MARCHF1: variants seen among roughly 807,000 people sequenced by gnomAD.
MARCHF1 encodes membrane associated ring-CH-type finger 1, also known as E3 ubiquitin-protein ligase MARCHF1.
Under a neutral mutation model 54.2 loss-of-function variants are expected in MARCHF1, and 40 were observed. That is an observed-to-expected ratio of 0.74 (90% CI 0.57 to 0.96). The LOEUF (loss-of-function observed/expected upper bound fraction) is 0.96, where lower values mean the gene tolerates loss of function less well. Among genes scored for constraint, MARCHF1 ranks in the 40% least tolerant of loss-of-function variants. The pLI is 0.00. For missense variants in MARCHF1, 586 were observed against 656.5 expected, an observed-to-expected ratio of 0.89 and a Z score of 1.17; for synonymous variants, 236 against 236.3, an observed-to-expected ratio of 1.00 and a Z score of 0.01.
intron 1 of MARCHF1, among the ~76,000 whole-genome samples, chr4:164,182,509 C>CTCCTTCCTTCCTTCCTTCCA (rs1730857735): frequency 6.6e-6 from 1 of 151,672 alleles, no homozygotes; most frequent in African/African-American, 2.4e-5. Flanking sequence ...TATCATCTCT[C>CTCCTTCCTTCCTTCCTTCCA]TCCTTCCTTC....
At chr4:163,562,372 G>A (rs1298828695) in intron 8 of MARCHF1, among the ~76,000 whole-genome samples, 1 of 152,072 alleles carries the variant, frequency 6.6e-6, no homozygotes, top group Non-Finnish European at 1.5e-5. Flanking sequence ...AATTACCAAT[G>A]ACATCCTAAA....
At chr4:163,779,179 T>C (rs544628802) in intron 4 of MARCHF1, among the ~76,000 whole-genome samples, 2 of 152,166 alleles carry the variant, frequency 1.3e-5, no homozygotes, top group Non-Finnish European at 1.5e-5. Context: ...CTAACATGAG[T>C]AAATAAAATC....
intron 1 of MARCHF1, among the ~76,000 whole-genome samples, chr4:164,297,332 T>C (rs1276812630): frequency 6.6e-6 from 1 of 152,148 alleles, no homozygotes; most frequent in African/African-American, 2.4e-5. Context: ...AAGAGTACAC[T>C]GTCTAAGTGA....
intron 2 of MARCHF1, among the ~76,000 whole-genome samples, chr4:164,095,392 T>A (rs1348125858): frequency 6.7e-6 from 1 of 149,952 alleles, no homozygotes; most frequent in Non-Finnish European, 1.5e-5. Flanking sequence ...GTAAATGTGT[T>A]TGCTATATTA....
At chr4:163,895,676 G>T (rs937866060) in intron 3 of MARCHF1, among the ~76,000 whole-genome samples, 4 of 152,162 alleles carry the variant, frequency 2.6e-5, no homozygotes, top group African/African-American at 9.7e-5. Context: ...CTGTGAAAGA[G>T]GATGTTCTGT....
rs1345684491 is a variant in MARCHF1 at position 163,878,977 on chromosome 4, C to T, written c.-38-24808G>A. Among the ~76,000 whole-genome samples the T allele has an allele frequency of 2.6e-5, 4 of 152,182 alleles. No individual in the cohort carries two copies. In the East Asian group the frequency reaches 7.7e-4, roughly 29 times the overall value. The stretch of plus-strand genomic sequence containing the variant: ...TACAGAGACATCTAAAATATCTGTC[C>T]TCTGAGAAATTACAACTAGCAAAGG... On this transcript the variant is annotated intron_variant, in intron 3 of 9. Coordinates refer to ENST00000514618, the MANE Select transcript of MARCHF1 (RefSeq NM_001394959.1).
At chr4:163,607,384 T>C (rs1741179995) in intron 7 of MARCHF1, among the ~76,000 whole-genome samples, 1 of 152,052 alleles carries the variant, frequency 6.6e-6, no homozygotes, top group Non-Finnish European at 1.5e-5. Flanking sequence ...TGTTGGAGAC[T>C]GGACACATCC....
intron 3 of MARCHF1, among the ~76,000 whole-genome samples, chr4:163,986,269 T>A (rs1417987368): frequency 2.5e-5 from 2 of 78,520 alleles, no homozygotes; most frequent in Admixed American, 1.5e-4. Flanking sequence ...TTTTTTTTTT[T>A]TTTTTTTTTT....
chr4:164,358,926 A>T (rs1175950318), intron 1 of MARCHF1, among the ~76,000 whole-genome samples: 4 of 152,262 alleles, frequency 2.6e-5, no homozygotes, highest in African/African-American at 9.6e-5. Flanking sequence ...TTTTTCATGT[A>T]TTTTTATAGC....
intron 2 of MARCHF1, among the ~76,000 whole-genome samples, chr4:164,020,189 T>C (rs971658743): frequency 6.6e-6 from 1 of 152,186 alleles, no homozygotes; most frequent in Admixed American, 6.6e-5. Flanking sequence ...AAAAAGTCTC[T>C]TTCCAAATAA....
chr4:164,061,445 A>T (rs1345522252), intron 2 of MARCHF1, among the ~76,000 whole-genome samples: 3 of 144,766 alleles, frequency 2.1e-5, no homozygotes, highest in Non-Finnish European at 4.5e-5. Context: ...TTGGCTTCTC[A>T]GTGTATATAA....
intron 1 of MARCHF1, among the ~76,000 whole-genome samples, chr4:164,144,335 C>T (rs1729606600): frequency 6.6e-6 from 1 of 151,800 alleles, no homozygotes; most frequent in African/African-American, 2.4e-5. Flanking sequence ...TAGACATCTA[C>T]AGAACTCTCC....
chr4:163,688,105 A>G (rs1031562513), intron 5 of MARCHF1, among the ~76,000 whole-genome samples: 35 of 152,190 alleles, frequency 2.3e-4, no homozygotes, highest in African/African-American at 8.2e-4. Context: ...ACATGGAAAC[A>G]GCTCAAAAAT....
chr4:164,000,756 T>C (rs1419572962), intron 2 of MARCHF1, among the ~76,000 whole-genome samples: 1 of 151,726 alleles, frequency 6.6e-6, no homozygotes, highest in Admixed American at 6.6e-5. Context: ...TATGACTTTA[T>C]TGTGAATATT....
intron 1 of MARCHF1, among the ~76,000 whole-genome samples, chr4:164,283,809 A>G (rs1296436066): frequency 2.0e-5 from 3 of 151,048 alleles, no homozygotes; most frequent in Non-Finnish European, 2.9e-5. Context: ...GAGTGTATAC[A>G]GAGGGTCATG....
intron 2 of MARCHF1, among the ~76,000 whole-genome samples, chr4:164,068,423 G>C (rs1172317108): frequency 6.6e-6 from 1 of 152,166 alleles, no homozygotes; most frequent in Non-Finnish European, 1.5e-5. Flanking sequence ...AACCGGGGCT[G>C]TGTGCGGCGC....
At chr4:163,667,447 C>T (rs1371514524) in intron 5 of MARCHF1, among the ~76,000 whole-genome samples, 1 of 152,052 alleles carries the variant, frequency 6.6e-6, no homozygotes, top group East Asian at 1.9e-4. Flanking sequence ...ACAGATTGAA[C>T]ATGTGAGTCA....
At chr4:163,863,479 G>C (rs557224701) in intron 3 of MARCHF1, among the ~76,000 whole-genome samples, 7 of 152,192 alleles carry the variant, frequency 4.6e-5, no homozygotes, top group African/African-American at 1.7e-4. Flanking sequence ...AATTGTTGGA[G>C]TGCGAGGTTG....
chr4:163,733,556 T>C (rs1044726462), intron 4 of MARCHF1, among the ~76,000 whole-genome samples: 24 of 151,496 alleles, frequency 1.6e-4, no homozygotes, highest in Non-Finnish European at 3.2e-4. Flanking sequence ...CTGCACTCAT[T>C]AACTTGTCAT....
Sources: allele counts gnomAD v4.1 joint callset (sites outside exome capture counted in the v4.1 genomes callset), GRCh38; gene constraint gnomAD v4.1.1; transcripts MANE v1.5; gene names NCBI Gene and HGNC (gene_info 2026-07-23, HGNC 2026-07-21).